UBXN8: variants seen among roughly 807,000 people sequenced by gnomAD.
The protein encoded by UBXN8 is UBX domain protein 8.
In UBXN8, 27 loss-of-function variants were observed where a neutral mutation model predicts 32.1. The ratio of observed to expected loss-of-function variants is 0.84; its 90% CI spans 0.62 to 1.16. UBXN8 has a LOEUF of 1.16. Ranked by LOEUF, UBXN8 falls within the 50% of genes most tolerant of loss-of-function variation. UBXN8 has a pLI of 0.00. For synonymous variants in UBXN8, 109 were observed against 111.8 expected (o/e 0.98, Z 0.16); for missense variants, 306 against 311.4 (o/e 0.98, Z 0.13).
chr8:30,740,732 T>A (rs147879539), upstream of UBXN8, among the ~76,000 whole-genome samples: 16 of 151,544 alleles, frequency 1.1e-4, no homozygotes, highest in Admixed American at 2.6e-4. Context: ...TTGGTGAGAA[T>A]GGAGACACCA....
chr8:30,748,249 C>T (rs1805419045), intron 1 of UBXN8, among the ~76,000 whole-genome samples: 1 of 151,688 alleles, frequency 6.6e-6, no homozygotes, highest in African/African-American at 2.4e-5. Context: ...CCTCAGCCTC[C>T]TGAGTAGCTG....
chr8:30,735,932 A>C (rs1303615554), intron 1 of UBXN8, among the ~76,000 whole-genome samples: 5 of 152,252 alleles, frequency 3.3e-5, no homozygotes, highest in Non-Finnish European at 7.3e-5. Context: ...ATACTGTGTC[A>C]CCCGAAAGGT....
At chr8:30,758,881 GT>G (rs1563564566) in intron 5 of UBXN8, among the ~76,000 whole-genome samples, 19 of 123,166 alleles carry the variant, frequency 1.5e-4, no homozygotes, top group African/African-American at 5.9e-4. Flanking sequence ...TGTTTTTTTT[GT>G]TTGTTTTTTT....
chr8:30,730,874 A>G (rs939909056), upstream of UBXN8, among the ~76,000 whole-genome samples: 1 of 152,268 alleles, frequency 6.6e-6, no homozygotes, highest in African/African-American at 2.4e-5. Flanking sequence ...AACACATCAC[A>G]ATTATTAGAA....
rs1375092549 is a variant in UBXN8 at position 30,760,941 on chromosome 8, T to G, written c.570+12T>G. ...AAACAGCAGAAGAAGTAAGTCTATTTTTCTCTTCGAAAATTAAACTTATTT... is the reference window on the plus strand; with the variant it reads ...AAACAGCAGAAGAAGTAAGTCTATTGTTCTCTTCGAAAATTAAACTTATTT... On this transcript the variant is annotated intron_variant, in intron 6 of 7. Transcript: ENST00000265616. The G allele has an allele frequency of 2.7e-6, 4 of 1,504,734 alleles. No homozygotes were observed. Among genetic ancestry groups the G allele is most frequent in the Non-Finnish European group, 2.7e-6 (3 of 1,119,720 alleles). 93.2% of individuals were successfully genotyped at this position (1,504,734 alleles called of 1,614,324 possible). A position where few individuals can be genotyped will look rare whatever the true frequency, so the allele number is the denominator to read the frequency against.
intron 1 of UBXN8, among the ~76,000 whole-genome samples, chr8:30,747,708 C>T (rs1426455956): frequency 7.2e-6 from 1 of 138,876 alleles, no homozygotes; most frequent in African/African-American, 2.8e-5. Flanking sequence ...TTGAATAACA[C>T]CTGAATCAAC....
At chr8:30,754,423 C>A in intron 3 of UBXN8, 1 of 592,808 alleles carries the variant, frequency 1.7e-6, no homozygotes. Flanking sequence ...TTGTTCCCAG[C>A]ATGAAAACCA....
At chr8:30,748,242 C>T (rs1805418857) in intron 1 of UBXN8, among the ~76,000 whole-genome samples, 1 of 151,722 alleles carries the variant, frequency 6.6e-6, no homozygotes, top group African/African-American at 2.4e-5. Flanking sequence ...TCTCCTGCCT[C>T]AGCCTCCTGA....
chr8:30,746,683 C>T (rs1460054286), intron 1 of UBXN8, among the ~76,000 whole-genome samples: 3 of 138,530 alleles, frequency 2.2e-5, no homozygotes, highest in African/African-American at 5.6e-5. Context: ...CCACCATGCC[C>T]GACTAATTTT....
chr8:30,747,307 G>GGTTTTTT lies in UBXN8; in HGVS notation c.88+3030_88+3031insGTTTTTT, dbSNP rs567878886. 3.7e-5 allele frequency among the ~76,000 whole-genome samples: 3 copies of GGTTTTTT among 81,730 alleles called. 1 individual carries two copies. The highest frequency in any genetic ancestry group is 4.2e-5 in the Non-Finnish European group (2 of 47,406). The allele number at this position is 81,730 out of a possible 152,430, so 53.6% of individuals were successfully genotyped here. On this transcript the variant is annotated intron_variant, in intron 1 of 7. Coordinates refer to ENST00000265616, the MANE Select transcript of UBXN8 (RefSeq NM_005671.4). ...AACATAAATCCCACACCTCAGTGGT[G>GGTTTTTT]TTTTTTTTTTTTTTTTTTTTTGAGA...
At position 30,766,351 on chromosome 8, in the gene UBXN8, T is replaced by C. The variant is rs767209382; in HGVS notation, c.770T>C (p.Val257Ala). The stretch of plus-strand genomic sequence containing the variant: ...TCGCTGGAGGACATAGGAATAACTG[T>C]GGACACTGTACTCATCCTGGAGGAG... ...GQSLEDIGITVDTVLILEEKE... is the reference protein window; with the variant it reads ...GQSLEDIGITADTVLILEEKE... The change falls in exon 8 of 8, where the codon GTG becomes GCG. Residue 257 changes from valine (V) to alanine (A), a missense_variant. By Grantham distance (64) the Val-to-Ala change is moderately conservative. Coordinates refer to ENST00000265616, the MANE Select transcript of UBXN8 (RefSeq NM_005671.4). The C allele has an allele frequency of 1.2e-6, 2 of 1,613,292 alleles. No homozygotes were observed. Among genetic ancestry groups the C allele is most frequent in the Admixed American group, 3.3e-5 (2 of 59,884 alleles).
At chr8:30,744,306 C>T (rs1563557940) in intron 1 of UBXN8, 29 bp downstream of exon 1, 5 of 1,598,462 alleles carry the variant, frequency 3.1e-6, no homozygotes, top group Admixed American at 3.4e-5. Context: ...CTTCGACAGT[C>T]ACAGCTGGGT....
chr8:30,745,694 C>T (rs1253210081), intron 1 of UBXN8, among the ~76,000 whole-genome samples: 1 of 152,240 alleles, frequency 6.6e-6, no homozygotes, highest in Non-Finnish European at 1.5e-5. Flanking sequence ...AATTCACACT[C>T]ACCATTTCCG....
intron 5 of UBXN8, among the ~76,000 whole-genome samples, chr8:30,759,693 A>G (rs1456523276): frequency 6.6e-6 from 1 of 150,900 alleles, no homozygotes; most frequent in Non-Finnish European, 1.5e-5. Flanking sequence ...GTGGTGGCTC[A>G]CGCCTGTAAT....
In UBXN8 at chr8:30,754,871, T is replaced by TAA. The variant is rs1805611505; in HGVS notation, c.405+85_405+86insAA. The TAA allele has an allele frequency of 2.0e-6, 3 of 1,476,088 alleles. No individual in the cohort carries two copies. The African/African-American group carries it at 4.4e-5, about 22-fold the overall frequency. The allele number at this position is 1,476,088 out of a possible 1,614,324, so 91.4% of individuals were successfully genotyped here. On this transcript the variant is annotated intron_variant, in intron 4 of 7. Coordinates refer to ENST00000265616, the MANE Select transcript of UBXN8 (RefSeq NM_005671.4). Reference sequence around the variant, plus strand: ...ATTGATTTTTAATTGAAAATGATGTTAGACTGCTTTTAGGAGTTTTTATTG... The same window carrying TAA: ...ATTGATTTTTAATTGAAAATGATGTTAAAGACTGCTTTTAGGAGTTTTTATTG...
At chr8:30,733,334 C>A (rs983436447) in intron 1 of UBXN8, 1 of 152,220 alleles carries the variant, frequency 6.6e-6, no homozygotes, top group South Asian at 2.1e-4. Flanking sequence ...TTTACACTGA[C>A]TCTTGATATG....
chr8:30,757,517 A>C (rs1401895895), intron 5 of UBXN8, among the ~76,000 whole-genome samples: 1 of 151,596 alleles, frequency 6.6e-6, no homozygotes, highest in East Asian at 2.0e-4. Context: ...GCACCATTGC[A>C]CTCCAGCCTG....
rs376596675 is a variant in UBXN8 at position 30,763,461 on chromosome 8, A to G, written c.645+114A>G. The G allele has an allele frequency of 1.5e-5, 15 of 1,023,098 alleles. No homozygotes were observed. In the East Asian group the frequency reaches 1.8e-4, roughly 12 times the overall value. 63.4% of individuals were successfully genotyped at this position (1,023,098 alleles called of 1,614,324 possible). A position where few individuals can be genotyped will look rare whatever the true frequency, so the allele number is the denominator to read the frequency against. On this transcript the variant is annotated intron_variant, in intron 7 of 7. Coordinates refer to ENST00000265616, the MANE Select transcript of UBXN8 (RefSeq NM_005671.4). ...CTGTCATCTGCATCTCCCATCAGGT[A>G]TGGATAAAGGACATTTCCAGGTACT...
At chr8:30,744,602 G>C (rs1296980451) in intron 1 of UBXN8, 6 of 467,588 alleles carry the variant, frequency 1.3e-5, no homozygotes, top group African/African-American at 1.2e-4. Context: ...AGGCTGAGAA[G>C]TTTTTTGTTT....
Sources: allele counts gnomAD v4.1 joint callset (sites outside exome capture counted in the v4.1 genomes callset), GRCh38; gene constraint gnomAD v4.1.1; transcripts MANE v1.5; gene names NCBI Gene and HGNC (gene_info 2026-07-23, HGNC 2026-07-21).